Variants in ATP8A2 observed in about 807,000 individuals in gnomAD.
ATP8A2 encodes phospholipid-transporting ATPase IB.
In ATP8A2, 100 loss-of-function variants were observed where a neutral mutation model predicts 165.6. The observed-to-expected ratio is 0.60, with a 90% confidence interval of 0.51 to 0.71. The LOEUF (loss-of-function observed/expected upper bound fraction) is 0.71, where lower values mean the gene tolerates loss of function less well. Ranked by LOEUF, ATP8A2 falls within the 30% of genes least tolerant of loss-of-function variation. ATP8A2 has a pLI of 0.00. For missense variants in ATP8A2, 1,227 were observed against 1,479.5 expected (o/e 0.83, Z 2.80); for synonymous variants, 543 against 548.8 (o/e 0.99, Z 0.15).
At chr13:25,517,496 T>G (rs2037519116) in intron 2 of ATP8A2, among the ~76,000 whole-genome samples, 1 of 152,206 alleles carries the variant, frequency 6.6e-6, no homozygotes, top group Non-Finnish European at 1.5e-5. Context: ...TAGAACAGAT[T>G]TGGAAATCTG....
intron 24 of ATP8A2, among the ~76,000 whole-genome samples, chr13:25,693,144 T>A (rs9578908): frequency 0.1 from 15,949 of 152,252 alleles, 966 homozygotes; most frequent in East Asian, 0.26. Context: ...AGGCATTAAC[T>A]GGCCCTGGGA....
Position 25,808,971 on chromosome 13 carries a change from C to T in ATP8A2, c.2680-19147C>T, listed in dbSNP as rs576802242. ...ATACAAATCTCAGAAGGAAGAATTG[C>T]GTCCTACCTAAGAGGTAGGCATGAA... is the stretch of plus-strand genomic sequence containing the variant. On this transcript the variant is annotated intron_variant, in intron 27 of 36. Transcript: ENST00000381655. 3.5e-4 allele frequency among the ~76,000 whole-genome samples: 53 copies of T among 152,274 alleles called. 2 individuals carry two copies. The South Asian group carries it at 0.01, about 30-fold the overall frequency.
intron 24 of ATP8A2, among the ~76,000 whole-genome samples, chr13:25,688,768 C>T (rs1322447725): frequency 6.6e-6 from 1 of 152,212 alleles, no homozygotes; most frequent in African/African-American, 2.4e-5. Flanking sequence ...TGTGGGCTAA[C>T]CTGCAGCCTG....
At chr13:25,902,971 A>ACACACACACACACACACG (rs1286764397) in intron 33 of ATP8A2, among the ~76,000 whole-genome samples, 11 of 151,222 alleles carry the variant, frequency 7.3e-5, no homozygotes, top group African/African-American at 1.7e-4. Context: ...ACACACACAC[A>ACACACACACACACACACG]CGTAAATGCA....
intron 25 of ATP8A2, among the ~76,000 whole-genome samples, chr13:25,756,636 A>C (rs577769768): frequency 6.6e-5 from 10 of 152,286 alleles, no homozygotes; most frequent in African/African-American, 1.9e-4. Context: ...ATACTGTGTC[A>C]ATCTTTCTGA....
intron 2 of ATP8A2, among the ~76,000 whole-genome samples, chr13:25,516,868 C>T (rs1198510446): frequency 6.6e-6 from 1 of 151,364 alleles, no homozygotes; most frequent in Non-Finnish European, 1.5e-5. Flanking sequence ...GCAACCTCCG[C>T]TTTCTGGGTT....
intron 2 of ATP8A2, among the ~76,000 whole-genome samples, chr13:25,498,642 A>C (rs773096355): frequency 1.1e-4 from 16 of 152,108 alleles, no homozygotes; most frequent in Non-Finnish European, 1.6e-4. Flanking sequence ...CTAGTCTGAA[A>C]AGTTTTTCTA....
chr13:25,547,252 C>A (rs1383364309), intron 10 of ATP8A2, among the ~76,000 whole-genome samples: 1 of 151,988 alleles, frequency 6.6e-6, no homozygotes, highest in South Asian at 2.1e-4. Flanking sequence ...CAGACTGGTA[C>A]CAGTCTGTGG....
chr13:25,500,857 G>A (rs191037300), intron 2 of ATP8A2, among the ~76,000 whole-genome samples: 10 of 152,276 alleles, frequency 6.6e-5, no homozygotes, highest in African/African-American at 1.9e-4. Context: ...GATTACAGGC[G>A]TGAGCCACCT....
intron 2 of ATP8A2, among the ~76,000 whole-genome samples, chr13:25,496,171 C>G (rs915366920): frequency 6.6e-6 from 1 of 152,072 alleles, no homozygotes; most frequent in African/African-American, 2.4e-5. Flanking sequence ...GAAGCCATTC[C>G]TACAATTGAT....
intron 1 of ATP8A2, among the ~76,000 whole-genome samples, chr13:25,414,358 T>C (rs2034072056): frequency 6.6e-6 from 1 of 151,940 alleles, no homozygotes; most frequent in Non-Finnish European, 1.5e-5. Flanking sequence ...ACTTGGCTAA[T>C]TTTTTGTATT....
intron 27 of ATP8A2, among the ~76,000 whole-genome samples, chr13:25,805,334 A>T (rs1950711794): frequency 6.6e-6 from 1 of 151,920 alleles, no homozygotes; most frequent in South Asian, 2.1e-4. Flanking sequence ...CATGGCAAAA[A>T]TCTATCTCTA....
Position 25,937,848 on chromosome 13 carries a change from CAAAAAAAAAAAA to C in ATP8A2, c.3184-23715_3184-23704del, listed in dbSNP as rs57258286. ...TGGGGGACAGAGCGAGACTCCGTCT[CAAAAAAAAAAAA>C]AAAAAAAAAAAGACCAAAGACATAG... On this transcript the variant is annotated intron_variant, in intron 33 of 36. Coordinates refer to ENST00000381655, the MANE Select transcript of ATP8A2 (RefSeq NM_016529.6). Among the ~76,000 whole-genome samples, 7 of 83,560 alleles carry C rather than the reference CAAAAAAAAAAAA, an allele frequency of 8.4e-5. No homozygotes were observed. In the South Asian group the frequency reaches 1.4e-3, roughly 17 times the overall value. The allele number at this position is 83,560 out of a possible 152,430, so 54.8% of individuals were successfully genotyped here. A position where few individuals can be genotyped will look rare whatever the true frequency, so the allele number is the denominator to read the frequency against.
chr13:25,902,938 T>TGC (rs1953803324), intron 33 of ATP8A2, among the ~76,000 whole-genome samples: 1 of 88,300 alleles, frequency 1.1e-5, no homozygotes, highest in African/African-American at 5.5e-5. Flanking sequence ...ATCCTCAGCA[T>TGC]GCACACACAC....
intron 1 of ATP8A2, among the ~76,000 whole-genome samples, chr13:25,405,124 C>T (rs1376339153): frequency 6.6e-6 from 1 of 152,110 alleles, no homozygotes; most frequent in African/African-American, 2.4e-5. Context: ...TTGGGTTCAG[C>T]AGCAAGAGGC....
At chr13:25,416,126 C>T (rs2034125433) in intron 1 of ATP8A2, among the ~76,000 whole-genome samples, 1 of 152,216 alleles carries the variant, frequency 6.6e-6, no homozygotes, top group Non-Finnish European at 1.5e-5. Flanking sequence ...CTACACCTGG[C>T]CTCTTTTTCT....
chr13:25,949,336 C>T (rs569874844), intron 33 of ATP8A2, among the ~76,000 whole-genome samples: 5 of 152,344 alleles, frequency 3.3e-5, no homozygotes, highest in African/African-American at 4.8e-5. Flanking sequence ...GGTGAGGTGG[C>T]CGTCCACCCT....
intron 34 of ATP8A2, among the ~76,000 whole-genome samples, chr13:25,963,300 A>G: frequency 6.6e-6 from 1 of 151,366 alleles, no homozygotes. Context: ...AGGCTGAGGC[A>G]GGAGAATCGC....
At chr13:25,952,030 G>A (rs1955381088) in intron 33 of ATP8A2, among the ~76,000 whole-genome samples, 1 of 152,104 alleles carries the variant, frequency 6.6e-6, no homozygotes, top group Non-Finnish European at 1.5e-5. Context: ...TTTAAACATT[G>A]GGATCGGGTG....
Sources: allele counts gnomAD v4.1 joint callset (sites outside exome capture counted in the v4.1 genomes callset), GRCh38; gene constraint gnomAD v4.1.1; transcripts MANE v1.5; gene names NCBI Gene and HGNC (gene_info 2026-07-23, HGNC 2026-07-21).